The following ZBBX variants were observed in gnomAD, a reference collection of about 807,000 sequenced individuals.
The protein encoded by ZBBX is zinc finger B-box domain containing.
ZBBX carries 101 observed loss-of-function variants against 108.5 expected under a neutral mutation model. That is an observed-to-expected ratio of 0.93 (90% CI 0.79 to 1.10). ZBBX has a LOEUF of 1.10. ZBBX is among the 50% of genes least tolerant of loss of function. The probability of loss-of-function intolerance (pLI) is 0.00; values close to 1 mark genes in which losing one functional copy is unlikely to be tolerated. For missense variants in ZBBX, 1,009 were observed against 941.4 expected (o/e 1.07, Z -0.94); for synonymous variants, 356 against 323.4 (o/e 1.10, Z -1.08).
At chr3:167,207,371 T>C in the ZBBX span, among the ~76,000 whole-genome samples, 1 of 152,162 alleles carries the variant, frequency 6.6e-6, no homozygotes, top group African/African-American at 2.4e-5. Context: ...AGATAATGTG[T>C]TTTTTCCTAG....
At position 167,305,749 on chromosome 3, in the gene ZBBX, G is replaced by A. The variant is rs749188472; in HGVS notation, c.1619C>T (p.Ala540Val). Residue 540 changes from alanine to valine, a missense_variant, in exon 17 of 22, where the codon GCT becomes GTT. Ala to Val is a moderately conservative substitution (Grantham distance 64). Coordinates refer to ENST00000675490, the MANE Select transcript of ZBBX (RefSeq NM_001199201.2). ...TTGAGATAATTTCTCCTCAATGGGA[G>A]CTTTTTCTAAATCTCTACCTAGCAA... ...DTLLGRDLEKAPIEEKLSQDI... is the reference protein window; with the variant it reads ...DTLLGRDLEKVPIEEKLSQDI... The A allele has an allele frequency of 1.9e-6, 3 of 1,612,600 alleles. No individual in the cohort carries two copies. In the East Asian group the frequency reaches 6.7e-5, roughly 36 times the overall value.
chr3:167,302,804 G>A (rs900048341), intron 17 of ZBBX, among the ~76,000 whole-genome samples: 1 of 152,172 alleles, frequency 6.6e-6, no homozygotes, highest in Non-Finnish European at 1.5e-5. Flanking sequence ...AGGACATCAT[G>A]AAGAGAGCCA....
At chr3:167,347,410 A>G (rs1469418100) in intron 9 of ZBBX, among the ~76,000 whole-genome samples, 2 of 151,998 alleles carry the variant, frequency 1.3e-5, no homozygotes, top group Non-Finnish European at 1.5e-5. Flanking sequence ...GCCTTTAAAA[A>G]GAAGATATGT....
At position 167,257,250 on chromosome 3, in the gene ZBBX, G is replaced by A. The variant is rs529680307; in HGVS notation, c.2255-14607C>T. Among the ~76,000 whole-genome samples the A allele has an allele frequency of 2.7e-4, 41 of 152,116 alleles. 1 individual carries two copies. In the South Asian group the frequency reaches 8.3e-3, roughly 31 times the overall value. On this transcript the variant is annotated intron_variant, in intron 20 of 21. Coordinates refer to ENST00000675490, the MANE Select transcript of ZBBX (RefSeq NM_001199201.2). ...GCATATAGTAATGCTAGTGATTTTT[G>A]TATGTTGATTTTGTATCCTGCAACT...
chr3:167,227,926 T>C, the ZBBX span, among the ~76,000 whole-genome samples: 1 of 151,662 alleles, frequency 6.6e-6, no homozygotes, highest in Non-Finnish European at 1.5e-5. Context: ...GTGTTGTCTG[T>C]AAGGCTAGAA....
chr3:167,232,236 G>T, the ZBBX span, among the ~76,000 whole-genome samples: 3,130 of 151,828 alleles, frequency 0.021, 39 homozygotes, highest in African/African-American at 0.024. Context: ...CCAAGTAAAT[G>T]TGTTTTTAAT....
chr3:167,330,945 T>TTCTTTCTTTCTCTCTCTCTCTC (rs1553820808), intron 10 of ZBBX, among the ~76,000 whole-genome samples: 1 of 87,172 alleles, frequency 1.1e-5, no homozygotes, highest in East Asian at 4.8e-4. Flanking sequence ...CTCTCTTTCT[T>TTCTTTCTTTCTCTCTCTCTCTC]TCTCTCTCTC....
the ZBBX span, among the ~76,000 whole-genome samples, chr3:167,188,193 T>G: frequency 3.3e-5 from 5 of 152,198 alleles, no homozygotes; most frequent in Admixed American, 6.5e-5. Flanking sequence ...TAACATAGTA[T>G]TGGTGTTCAG....
intron 2 of ZBBX, among the ~76,000 whole-genome samples, chr3:167,374,395 T>C (rs1746628425): frequency 6.6e-6 from 1 of 152,188 alleles, no homozygotes. Flanking sequence ...TCTATAATAA[T>C]TTACTCTGTA....
At chr3:167,368,140 G>T (rs1288198245) in intron 5 of ZBBX, among the ~76,000 whole-genome samples, 2 of 151,216 alleles carry the variant, frequency 1.3e-5, no homozygotes, top group Non-Finnish European at 3.0e-5. Context: ...GAGAGCAAAA[G>T]GTAAAGTGTG....
chr3:167,219,077 G>T, the ZBBX span, among the ~76,000 whole-genome samples: 1 of 151,982 alleles, frequency 6.6e-6, no homozygotes, highest in Non-Finnish European at 1.5e-5. Flanking sequence ...GGTCAATACA[G>T]CAAGAGGATA....
intron 8 of ZBBX, among the ~76,000 whole-genome samples, chr3:167,359,218 C>T (rs936710828): frequency 6.6e-6 from 1 of 152,080 alleles, no homozygotes; most frequent in Non-Finnish European, 1.5e-5. Flanking sequence ...ATTCCATTTA[C>T]ATAAAGTTCA....
At chr3:167,357,128 C>G (rs1451781785) in intron 8 of ZBBX, among the ~76,000 whole-genome samples, 1 of 151,934 alleles carries the variant, frequency 6.6e-6, no homozygotes, top group East Asian at 1.9e-4. Context: ...TCTTTAAAGC[C>G]AACAGAGGGG....
chr3:167,339,656 T>A (rs1740190485), intron 9 of ZBBX, among the ~76,000 whole-genome samples: 1 of 152,052 alleles, frequency 6.6e-6, no homozygotes, highest in African/African-American at 2.4e-5. Flanking sequence ...AAATGGTTTG[T>A]TTGTTTTGTT....
chr3:167,227,297 T>G, the ZBBX span, among the ~76,000 whole-genome samples: 3 of 151,692 alleles, frequency 2.0e-5, no homozygotes. Flanking sequence ...AAAAGAAGCA[T>G]CCAGATACCC....
At chr3:167,221,813 A>C in the ZBBX span, among the ~76,000 whole-genome samples, 1 of 152,018 alleles carries the variant, frequency 6.6e-6, no homozygotes, top group African/African-American at 2.4e-5. Context: ...ATGTAAAAAG[A>C]TGTTCAAAAT....
At chr3:167,266,669 G>A (rs1015216782) in intron 20 of ZBBX, among the ~76,000 whole-genome samples, 6 of 152,170 alleles carry the variant, frequency 3.9e-5, no homozygotes, top group African/African-American at 9.7e-5. Flanking sequence ...AAAAACTCCC[G>A]GTCCCCTTTG....
the ZBBX span, among the ~76,000 whole-genome samples, chr3:167,184,099 T>G: frequency 3.3e-5 from 5 of 152,186 alleles, no homozygotes; most frequent in Non-Finnish European, 7.3e-5. Context: ...AGAAATTCAG[T>G]GAAAGGGATT....
At chr3:167,245,151 C>T (rs1266768514) in intron 20 of ZBBX, among the ~76,000 whole-genome samples, 7 of 152,242 alleles carry the variant, frequency 4.6e-5, no homozygotes, top group African/African-American at 1.7e-4. Flanking sequence ...CGGTGGCTCA[C>T]GCCTGTAATC....
Sources: gnomAD v4.1 joint callset for allele counts (sites outside exome capture counted in the v4.1 genomes callset) on GRCh38, gnomAD v4.1.1 for gene constraint, MANE v1.5 for transcripts, NCBI Gene and HGNC (gene_info 2026-07-23, HGNC 2026-07-21) for gene names.